Variants in GLP1R observed in about 807,000 individuals in gnomAD.
The protein encoded by GLP1R is glucagon-like peptide 1 receptor.
GLP1R carries 32 observed loss-of-function variants against 68.4 expected under a neutral mutation model. That is an observed-to-expected ratio of 0.47 (90% CI 0.35 to 0.63). The LOEUF (loss-of-function observed/expected upper bound fraction) is 0.63, where lower values mean the gene tolerates loss of function less well. Among genes scored for constraint, GLP1R ranks in the 20% least tolerant of loss-of-function variants. GLP1R has a pLI of 0.00. For missense variants in GLP1R, 502 were observed against 594.9 expected (o/e 0.84, Z 1.62); for synonymous variants, 263 against 244.4 (o/e 1.08, Z -0.71).
Position 39,065,760 on chromosome 6 carries a change from G to A in GLP1R, c.333G>A (p.Leu111=), listed in dbSNP as rs1463018551. Residue 111 remains leucine, a synonymous_variant, in exon 4 of 13, where the codon CTG becomes CTA. Coordinates refer to ENST00000373256, the MANE Select transcript of GLP1R (RefSeq NM_002062.5). ...YRFCTAEGLW[L]QKDNSSLPWR... ...TCTGCACAGCTGAAGGCCTCTGGCT[G>A]CAGAAGGACAACTCCAGCCTGCCCT... The A allele has an allele frequency of 1.3e-6, 2 of 1,586,494 alleles. No individual in the cohort carries two copies. The highest frequency in any genetic ancestry group is 2.7e-5 in the African/African-American group (2 of 74,574).
intron 12 of GLP1R, among the ~76,000 whole-genome samples, chr6:39,083,835 G>A (rs970786174): frequency 2.0e-5 from 3 of 152,184 alleles, no homozygotes; most frequent in Non-Finnish European, 2.9e-5. Context: ...TCCCAGCCCA[G>A]GTGCTCAGAA....
intron 3 of GLP1R, among the ~76,000 whole-genome samples, chr6:39,064,535 C>T (rs1450678054): frequency 6.6e-6 from 1 of 152,020 alleles, no homozygotes; most frequent in Non-Finnish European, 1.5e-5. Flanking sequence ...GGTCAATATC[C>T]CCCCACCCTC....
At chr6:39,068,830 A>G (rs1223929147) in intron 5 of GLP1R, among the ~76,000 whole-genome samples, 9 of 152,180 alleles carry the variant, frequency 5.9e-5, no homozygotes, top group Non-Finnish European at 1.3e-4. Flanking sequence ...AGACCCTGAC[A>G]TCTGGACCTG....
chr6:39,068,306 G>A (rs565008267), intron 5 of GLP1R, among the ~76,000 whole-genome samples: 5 of 152,236 alleles, frequency 3.3e-5, no homozygotes, highest in African/African-American at 4.8e-5. Flanking sequence ...AGCCCCACTC[G>A]CACAGCTTTG....
At chr6:39,078,191 A>C in intron 7 of GLP1R, 131 bp from the exon 8 acceptor site, 1 of 704,264 alleles carries the variant, frequency 1.4e-6, no homozygotes, top group Admixed American at 2.2e-5. Context: ...AAACTAGAAA[A>C]CATAGTTGGA....
Position 39,078,349 on chromosome 6 carries a change from G to C in GLP1R, c.851G>C (p.Trp284Ser). ...WGVPLLFVVP[W>S]GIVKYLYEDE... ...GTTCCCCTGCTGTTTGTTGTCCCCT[G>C]GGGCATTGTCAAGTACCTCTATGAG... Residue 284 changes from tryptophan to serine, a missense_variant, in exon 8 of 13, where the codon TGG becomes TCG. By Grantham distance (177) the Trp-to-Ser change is radical. Coordinates refer to ENST00000373256, the MANE Select transcript of GLP1R (RefSeq NM_002062.5). The C allele has an allele frequency of 6.2e-7, 1 of 1,612,986 alleles. No homozygotes were observed. Among genetic ancestry groups the C allele is most frequent in the Non-Finnish European group, 8.5e-7 (1 of 1,179,020 alleles).
At chr6:39,076,799 A>C (rs1187211088) in intron 7 of GLP1R, among the ~76,000 whole-genome samples, 6 of 152,196 alleles carry the variant, frequency 3.9e-5, no homozygotes, top group African/African-American at 1.4e-4. Flanking sequence ...CCAGTGCAGA[A>C]GGCCATTGAG....
rs148862435 is a variant in GLP1R, at chr6:39,086,030, G to C, written c.1349G>C (p.Gly450Ala). The C allele has an allele frequency of 4.3e-5, 70 of 1,613,854 alleles. No homozygotes were observed. The highest frequency in any genetic ancestry group is 5.5e-5 in the Non-Finnish European group (65 of 1,179,954). The change falls in exon 13 of 13, where the codon GGC (glycine) becomes GCC (alanine). Residue 450 changes from glycine to alanine, a missense_variant. By Grantham distance (60) the Gly-to-Ala change is moderately conservative. Transcript: ENST00000373256. The surrounding 1 kb of genome is among the most constrained non-coding windows in gnomAD (Gnocchi z 4.5). ...TSSLSSGATAGSSMYTATCQA... is the reference protein window; with the variant it reads ...TSSLSSGATAASSMYTATCQA... ...AGCCTGAGCAGTGGAGCCACGGCGG[G>C]CAGCAGCATGTACACAGCCACTTGC...
rs1407717958 is a variant in GLP1R at position 39,088,156 on chromosome 6, A to T, written c.*2083A>T. ...TAAGTAGAGTTGTCTTCCCAACGAG[A>T]ACTGGTGATTCCTGATTTCAGAAGG... On this transcript the variant is annotated 3_prime_UTR_variant, in exon 13 of 13. Transcript: ENST00000373256. Among the ~76,000 whole-genome samples, 1 of 152,124 alleles carries T rather than the reference A, an allele frequency of 6.6e-6. No individual in the cohort carries two copies. Among genetic ancestry groups the T allele is most frequent in the Non-Finnish European group, 1.5e-5 (1 of 68,016 alleles).
chr6:39,058,642 T>TATCATCATC (rs112102888), intron 3 of GLP1R, among the ~76,000 whole-genome samples: 13,308 of 149,920 alleles, frequency 0.089, 795 homozygotes, highest in East Asian at 0.27. Flanking sequence ...GATATTTCCC[T>TATCATCATC]ATCATCATCA....
Position 39,065,802 on chromosome 6 carries a change from G to A in GLP1R, c.375G>A (p.Glu125=), listed in dbSNP as rs1437805318. Residue 125 remains glutamate (E), a synonymous_variant, in exon 4 of 13, where the codon GAG becomes GAA. Transcript: ENST00000373256. ...NSSLPWRDLS[E]CEESKRGERS... The stretch of plus-strand genomic sequence containing the variant: ...GCCTGCCCTGGAGGGACTTGTCGGA[G>A]TGCGAGGAGTCCAAGCGAGGGGAAA... The A allele has an allele frequency of 1.9e-6, 3 of 1,603,780 alleles. No homozygotes were observed. The highest frequency in any genetic ancestry group is 1.7e-6 in the Non-Finnish European group (2 of 1,174,516).
chr6:39,085,667 A>T (rs1769125679), intron 12 of GLP1R, among the ~76,000 whole-genome samples: 1 of 152,244 alleles, frequency 6.6e-6, no homozygotes, highest in Admixed American at 6.5e-5. Context: ...CAGAGTTTAG[A>T]GATGGAAAAG....
rs1346588837 is a variant in GLP1R, at chr6:39,089,045, CT to C, written c.*2973del. ...TCAGTGGTGTTATCTGGAATTTCTACTGAAGAGGAAATACAGCAGCAAAGGT... is the reference window on the plus strand; with the variant it reads ...TCAGTGGTGTTATCTGGAATTTCTACGAAGAGGAAATACAGCAGCAAAGGT... On this transcript the variant is annotated 3_prime_UTR_variant, in exon 13 of 13. Coordinates refer to ENST00000373256, the MANE Select transcript of GLP1R (RefSeq NM_002062.5). This position sits in a 1 kb window ranked among gnomAD's most constrained non-coding sequence, Gnocchi z 4.1. 6.6e-6 allele frequency among the ~76,000 whole-genome samples: 1 copy of C among 152,228 alleles called. No individual in the cohort carries two copies. The highest frequency in any genetic ancestry group is 1.9e-4 in the East Asian group (1 of 5,202).
intron 12 of GLP1R, among the ~76,000 whole-genome samples, chr6:39,083,031 G>A (rs1195337816): frequency 6.6e-6 from 1 of 151,974 alleles, no homozygotes; most frequent in Non-Finnish European, 1.5e-5. Context: ...CCCTCCTCAT[G>A]CACCACCTAT....
chr6:39,057,354 A>C, intron 2 of GLP1R, 118 bp from the exon 3 acceptor site: 1 of 682,600 alleles, frequency 1.5e-6, no homozygotes, highest in Non-Finnish European at 2.7e-6. Flanking sequence ...TACAGTAAGC[A>C]TTCAGCAGAG....
intron 1 of GLP1R, among the ~76,000 whole-genome samples, chr6:39,052,516 A>G (rs1449926149): frequency 6.6e-6 from 1 of 152,180 alleles, no homozygotes; most frequent in African/African-American, 2.4e-5. Context: ...CCCGTCACCA[A>G]AATGGTCCCC....
chr6:39,078,253 G>C (rs1450905433), intron 7 of GLP1R, 69 bp from the exon 8 acceptor site: 3 of 1,103,926 alleles, frequency 2.7e-6, no homozygotes, highest in East Asian at 2.3e-5. Context: ...GCAGGGAGAG[G>C]CCTCGGCATG....
In GLP1R at chr6:39,089,650, A is replaced by G. The variant is rs1262004594; in HGVS notation, c.*3577A>G. ...TGTATGTGTGTGCATGTGTGTGTGC[A>G]TGTTTCTTCTGTGCATAGCAGCATA... On this transcript the variant is annotated 3_prime_UTR_variant, in exon 13 of 13. Coordinates refer to ENST00000373256, the MANE Select transcript of GLP1R (RefSeq NM_002062.5). The surrounding 1 kb of genome is among the most constrained non-coding windows in gnomAD (Gnocchi z 4.1). Among the ~76,000 whole-genome samples the G allele has an allele frequency of 1.3e-5, 2 of 152,044 alleles. No homozygotes were observed. Among genetic ancestry groups the G allele is most frequent in the Non-Finnish European group, 2.9e-5 (2 of 68,012 alleles).
rs377675498 is a variant in GLP1R at position 39,081,400 on chromosome 6, G to C, written c.1224+661G>C. The stretch of plus-strand genomic sequence containing the variant: ...AGCCCTGGCTCACTGTGGGGAAGGG[G>C]GTGGCTTTCTGGTGCTAGGATGGGA... On this transcript the variant is annotated intron_variant, in intron 12 of 12. Coordinates refer to ENST00000373256, the MANE Select transcript of GLP1R (RefSeq NM_002062.5). Among the ~76,000 whole-genome samples the C allele has an allele frequency of 2.0e-5, 3 of 152,176 alleles. No individual in the cohort carries two copies. The South Asian group carries it at 6.2e-4, about 32-fold the overall frequency.
Sources: allele counts gnomAD v4.1 joint callset (sites outside exome capture counted in the v4.1 genomes callset), GRCh38; gene constraint gnomAD v4.1.1; non-coding constraint Gnocchi (gnomAD v3.1); transcripts MANE v1.5; gene names NCBI Gene and HGNC (gene_info 2026-07-23, HGNC 2026-07-21).